PCED1B: variants seen among roughly 807,000 people sequenced by gnomAD.
PCED1B encodes the protein PC-esterase domain-containing protein 1B.
For synonymous variants in PCED1B, 251 were observed against 246.1 expected (o/e 1.02, Z -0.19); for missense variants, 573 against 573.9 (o/e 1.00, Z 0.02).
At chr12:47,135,648 C>T in intron 2 of PCED1B, 1 of 510,214 alleles carries the variant, frequency 2.0e-6, no homozygotes, top group Non-Finnish European at 4.0e-6. Context: ...ACTTCCTGTC[C>T]TAGACTTCAC....
Position 47,235,184 on chromosome 12 carries a change from C to G in PCED1B, c.121C>G (p.Arg41Gly), listed in dbSNP as rs766852475. 1.9e-6 allele frequency: 3 copies of G among 1,594,370 alleles called. No homozygotes were observed. Among genetic ancestry groups the G allele is most frequent in the East Asian group, 4.5e-5 (2 of 44,768 alleles). Residue 41 changes from arginine (R) to glycine (G), a missense_variant, in exon 4 of 4, where the codon CGC becomes GGC. Arg to Gly is a moderately radical substitution (Grantham distance 125, BLOSUM62 -2). Transcript: ENST00000546455. ...KDLVLLLQKD[R>G]LLTPGQLRAR... ...CCTGGTGCTTCTGCTGCAGAAGGAC[C>G]GCCTGCTCACTCCCGGGCAGCTTAG...
chr12:47,175,243 C>A (rs916403580), intron 2 of PCED1B, among the ~76,000 whole-genome samples: 1 of 152,018 alleles, frequency 6.6e-6, no homozygotes, highest in African/African-American at 2.4e-5. Context: ...TGTACATTAT[C>A]CTAGATGCAA....
chr12:47,090,928 C>A (rs1938237615), intron 1 of PCED1B, among the ~76,000 whole-genome samples: 1 of 152,002 alleles, frequency 6.6e-6, no homozygotes, highest in Admixed American at 6.6e-5. Flanking sequence ...TTCCAACCAT[C>A]CAACAAATGG....
rs749460591 is a variant in PCED1B, at chr12:47,235,035, A to G, written c.-29A>G. On this transcript the variant is annotated 5_prime_UTR_variant, in exon 4 of 4. Coordinates refer to ENST00000546455, the MANE Select transcript of PCED1B (RefSeq NM_138371.3). ...TCCGCAGAGCCATCCTGTGCAAAGG[A>G]AGGAGCTAGGCTGTGCGCCCTGGGC... The G allele has an allele frequency of 4.0e-6, 6 of 1,502,528 alleles. No individual in the cohort carries two copies. Among genetic ancestry groups the G allele is most frequent in the Non-Finnish European group, 5.3e-6 (6 of 1,125,064 alleles). 93.1% of individuals were successfully genotyped at this position (1,502,528 alleles called of 1,614,324 possible).
intron 2 of PCED1B, among the ~76,000 whole-genome samples, chr12:47,188,965 T>G (rs1479567001): frequency 6.6e-6 from 1 of 152,182 alleles, no homozygotes; most frequent in Non-Finnish European, 1.5e-5. Flanking sequence ...TGCTTCTGAT[T>G]AGGTCACTGT....
intron 1 of PCED1B, among the ~76,000 whole-genome samples, chr12:47,095,295 T>C (rs943228737): frequency 2.6e-5 from 4 of 152,184 alleles, no homozygotes; most frequent in Non-Finnish European, 5.9e-5. Flanking sequence ...TAATTTATGT[T>C]GATAAATCAA....
At chr12:47,155,970 T>C (rs1418167464) in intron 2 of PCED1B, among the ~76,000 whole-genome samples, 1 of 152,170 alleles carries the variant, frequency 6.6e-6, no homozygotes, top group African/African-American at 2.4e-5. Context: ...CCAGAAATCA[T>C]GACAGACATA....
intron 2 of PCED1B, among the ~76,000 whole-genome samples, chr12:47,109,738 G>A (rs1313433094): frequency 2.0e-5 from 3 of 152,112 alleles, no homozygotes; most frequent in African/African-American, 7.2e-5. Context: ...GGGTGCAATA[G>A]AATTACCTGA....
In PCED1B at chr12:47,093,988, A is replaced by G. The variant is rs577910032; in HGVS notation, c.-608-10125A>G. Reference sequence around the variant, plus strand: ...CTTCTATATCCTTACTGATTTTTTTATTTTTCACTTTTTCTGCTATGTGTT... The same window carrying G: ...CTTCTATATCCTTACTGATTTTTTTGTTTTTCACTTTTTCTGCTATGTGTT... On this transcript the variant is annotated intron_variant, in intron 1 of 3. Coordinates refer to ENST00000546455, the MANE Select transcript of PCED1B (RefSeq NM_138371.3). 2.6e-5 allele frequency among the ~76,000 whole-genome samples: 4 copies of G among 151,772 alleles called. No individual in the cohort carries two copies. In the East Asian group the frequency reaches 5.8e-4, roughly 22 times the overall value.
intron 2 of PCED1B, among the ~76,000 whole-genome samples, chr12:47,200,374 C>G (rs776388918): frequency 6.6e-6 from 1 of 152,086 alleles, no homozygotes; most frequent in African/African-American, 2.4e-5. Flanking sequence ...TAGGGAATTA[C>G]GAACTAAAAC....
At chr12:47,231,006 A>C (rs895858613) in intron 3 of PCED1B, among the ~76,000 whole-genome samples, 1 of 152,226 alleles carries the variant, frequency 6.6e-6, no homozygotes, top group Non-Finnish European at 1.5e-5. Context: ...TAGAAAGACT[A>C]AATAACTTGC....
intron 2 of PCED1B, among the ~76,000 whole-genome samples, chr12:47,137,046 G>A (rs984382632): frequency 5.3e-5 from 8 of 152,166 alleles, no homozygotes; most frequent in Admixed American, 1.3e-4. Context: ...AACTCATGAA[G>A]TATTTTGCAA....
At chr12:47,120,329 G>A (rs893425018) in intron 2 of PCED1B, among the ~76,000 whole-genome samples, 5 of 152,130 alleles carry the variant, frequency 3.3e-5, no homozygotes, top group South Asian at 2.1e-4. Flanking sequence ...CTACTTCTAG[G>A]TATATACTCA....
intron 2 of PCED1B, among the ~76,000 whole-genome samples, chr12:47,182,088 T>C (rs1387105159): frequency 6.6e-6 from 1 of 152,224 alleles, no homozygotes; most frequent in East Asian, 1.9e-4. Context: ...TTAGAAATCC[T>C]AAAACTGAAG....
At chr12:47,232,911 T>TTA (rs1446395392) in intron 3 of PCED1B, among the ~76,000 whole-genome samples, 1 of 146,932 alleles carries the variant, frequency 6.8e-6, no homozygotes, top group African/African-American at 2.5e-5. Context: ...GAAATTTTAT[T>TTA]TATTTATTTA....
intron 2 of PCED1B, among the ~76,000 whole-genome samples, chr12:47,188,835 T>C (rs1942357694): frequency 1.3e-5 from 2 of 152,230 alleles, no homozygotes; most frequent in African/African-American, 2.4e-5. Context: ...AACAGGCATG[T>C]TGCTGGTAAC....
At chr12:47,122,412 A>G (rs181335654) in intron 2 of PCED1B, among the ~76,000 whole-genome samples, 1 of 152,342 alleles carries the variant, frequency 6.6e-6, no homozygotes, top group African/African-American at 2.4e-5. Context: ...AGAACTTTAC[A>G]TTTCACATTG....
At chr12:47,185,304 A>T (rs985300388) in intron 2 of PCED1B, among the ~76,000 whole-genome samples, 8 of 152,216 alleles carry the variant, frequency 5.3e-5, no homozygotes, top group African/African-American at 1.9e-4. Context: ...AAACAGAGAC[A>T]GACACAAGAA....
chr12:47,221,004 CAT>C (rs1250424383), intron 3 of PCED1B, among the ~76,000 whole-genome samples: 1 of 152,060 alleles, frequency 6.6e-6, no homozygotes, highest in East Asian at 1.9e-4. Context: ...TATCCCAAGA[CAT>C]AAAAAGTTTA....
Sources: gnomAD v4.1 joint callset for allele counts (sites outside exome capture counted in the v4.1 genomes callset) on GRCh38, gnomAD v4.1.1 for gene constraint, MANE v1.5 for transcripts, NCBI Gene and HGNC (gene_info 2026-07-23, HGNC 2026-07-21) for gene names.